The following AXDND1 variants were observed in gnomAD, a reference collection of about 807,000 sequenced individuals.
AXDND1 encodes axonemal dynein light chain domain-containing protein 1.
Under a neutral mutation model 137.5 loss-of-function variants are expected in AXDND1, and 110 were observed. The ratio of observed to expected loss-of-function variants is 0.80; its 90% confidence interval spans 0.69 to 0.94. The LOEUF is 0.94. AXDND1 is among the 40% of genes least tolerant of loss of function. AXDND1 has a pLI of 0.00. For synonymous variants in AXDND1, 414 were observed against 399.7 expected (o/e 1.04, Z -0.43); for missense variants, 1,191 against 1,169.8 (o/e 1.02, Z -0.26).
intron 25 of AXDND1, 71 bp from the exon 26 acceptor site, chr1:179,554,441 A>G: frequency 3.1e-6 from 5 of 1,613,432 alleles, no homozygotes; most frequent in Non-Finnish European, 4.2e-6. Flanking sequence ...ATTTTCCTTT[A>G]TCATACAGTT....
intron 25 of AXDND1, among the ~76,000 whole-genome samples, chr1:179,550,088 T>C (rs1673057498): frequency 6.6e-6 from 1 of 152,222 alleles, no homozygotes; most frequent in South Asian, 2.1e-4. Context: ...TCGGCACCCC[T>C]GCATAGTTTA....
rs1267470939 is a variant in AXDND1 at position 179,382,745 on chromosome 1, C to G, written c.627C>G (p.Leu209=). The G allele has an allele frequency of 4.4e-6, 7 of 1,595,000 alleles. No individual in the cohort carries two copies. The highest frequency in any genetic ancestry group is 1.7e-4 in the Middle Eastern group (1 of 6,006). The stretch of plus-strand genomic sequence containing the variant: ...CAGATAGTGAAAACAGGCTATTGCT[C>G]TTCCCATCCATGTAAGTACAGTTTA... The part of the protein sequence containing the change: ...LLTDSENRLL[L]FPSMKPNKRV... Residue 209 remains leucine (L), a synonymous_variant, in exon 7 of 26, where the codon CTC becomes CTG. Transcript: ENST00000367618.
At chr1:179,478,056 C>A (rs1664850945) in intron 17 of AXDND1, among the ~76,000 whole-genome samples, 1 of 152,194 alleles carries the variant, frequency 6.6e-6, no homozygotes, top group South Asian at 2.1e-4. Flanking sequence ...GAGGTGGGTT[C>A]TCATGGTCTT....
At chr1:179,376,432 A>G (rs1248642719) in intron 4 of AXDND1, among the ~76,000 whole-genome samples, 2 of 152,198 alleles carry the variant, frequency 1.3e-5, no homozygotes, top group Middle Eastern at 3.2e-3. Flanking sequence ...GAAAAAATTC[A>G]TGTATAAGCA....
At chr1:179,382,157 C>T (rs6665787) in intron 6 of AXDND1, among the ~76,000 whole-genome samples, 52,998 of 151,348 alleles carry the variant, frequency 0.35, 9,510 homozygotes, top group Middle Eastern at 0.45. Context: ...CTGCTCACTG[C>T]AACCCCCGCC....
intron 17 of AXDND1, 151 bp from the exon 18 acceptor site, chr1:179,482,976 AG>A: frequency 2.0e-6 from 1 of 491,930 alleles, no homozygotes; most frequent in Admixed American, 4.0e-5. Flanking sequence ...TAGATAATTC[AG>A]GGCTTTGATT....
At chr1:179,506,834 G>C (rs1668587699) in intron 20 of AXDND1, 1 of 985,256 alleles carries the variant, frequency 1.0e-6, no homozygotes, top group Non-Finnish European at 1.2e-6. Flanking sequence ...TGTCACCAGA[G>C]ATAGCACTGC....
intron 2 of AXDND1, among the ~76,000 whole-genome samples, chr1:179,367,449 A>G (rs1456288958): frequency 1.3e-5 from 2 of 152,172 alleles, no homozygotes; most frequent in Non-Finnish European, 2.9e-5. Context: ...CGGGAGGTGG[A>G]GGTTGCAGTG....
chr1:179,543,556 G>A (rs1312516955), intron 25 of AXDND1: 1 of 152,180 alleles, frequency 6.6e-6, no homozygotes, highest in African/African-American at 2.4e-5. Flanking sequence ...TGGAAAGAAA[G>A]GGTTGGGGAG....
At chr1:179,381,561 C>T (rs1156320476) in intron 6 of AXDND1, among the ~76,000 whole-genome samples, 18 of 151,722 alleles carry the variant, frequency 1.2e-4, no homozygotes, top group Non-Finnish European at 1.5e-5. Context: ...CCAGGCTGGT[C>T]TCGAACTCCG....
At chr1:179,453,086 A>G (rs1035665604) in intron 16 of AXDND1, 2 of 152,228 alleles carry the variant, frequency 1.3e-5, no homozygotes, top group African/African-American at 4.8e-5. Context: ...TACAGAAGTC[A>G]AGAACTGGGG....
chr1:179,533,790 G>T lies in AXDND1; in HGVS notation c.2716-5G>T, dbSNP rs148733582. The T allele has an allele frequency of 6.2e-7, 1 of 1,604,400 alleles. No individual in the cohort carries two copies. Among genetic ancestry groups the T allele is most frequent in the African/African-American group, 1.3e-5 (1 of 74,636 alleles). The stretch of plus-strand genomic sequence containing the variant: ...TTCATTCATATCTCATATTTCCTCT[G>T]TCAGAGAGAGTCAGCTAAGCAAGGT... On this transcript the variant is annotated splice_region_variant and splice_polypyrimidine_tract_variant and intron_variant, in intron 23 of 25. Transcript: ENST00000367618.
intron 14 of AXDND1, 70 bp from the exon 15 acceptor site, chr1:179,432,197 G>A: frequency 6.9e-7 from 1 of 1,455,308 alleles, no homozygotes; most frequent in Non-Finnish European, 9.1e-7. Context: ...TTAGTCTTTA[G>A]TGTGTGAACT....
At chr1:179,395,640 ATATAAGTAAAG>A (rs1171096602) in intron 11 of AXDND1, among the ~76,000 whole-genome samples, 3 of 152,212 alleles carry the variant, frequency 2.0e-5, no homozygotes, top group Non-Finnish European at 2.9e-5. Flanking sequence ...AAAGGAAGTA[ATATAAGTAAAG>A]CACTTAGAAT....
chr1:179,429,402 A>G, intron 12 of AXDND1, 116 bp from the exon 13 acceptor site: 1 of 503,304 alleles, frequency 2.0e-6, no homozygotes, highest in Non-Finnish European at 3.3e-6. Context: ...GATTTAAACG[A>G]GAAATTTTAG....
intron 23 of AXDND1, among the ~76,000 whole-genome samples, chr1:179,531,376 T>G (rs1036060863): frequency 6.6e-6 from 1 of 152,176 alleles, no homozygotes; most frequent in Non-Finnish European, 1.5e-5. Context: ...TGGTGGCCTT[T>G]CATTAGTTTT....
intron 15 of AXDND1, among the ~76,000 whole-genome samples, chr1:179,432,677 C>G (rs1261375464): frequency 6.6e-6 from 1 of 152,174 alleles, no homozygotes; most frequent in Non-Finnish European, 1.5e-5. Flanking sequence ...CCACCCACCT[C>G]GGCCTCCCAA....
At chr1:179,535,460 G>T (rs1358583409) in intron 25 of AXDND1, among the ~76,000 whole-genome samples, 1 of 151,682 alleles carries the variant, frequency 6.6e-6, no homozygotes, top group Non-Finnish European at 1.5e-5. Context: ...ACTTATGAGT[G>T]AGAACATGCG....
At chr1:179,411,065 A>C (rs2125221228) in intron 11 of AXDND1, 81 bp from the exon 12 acceptor site, 2 of 1,166,816 alleles carry the variant, frequency 1.7e-6, no homozygotes, top group Middle Eastern at 3.0e-4. Context: ...CTATTTTAAA[A>C]CAAATTTCTT....
Sources: allele counts gnomAD v4.1 joint callset (sites outside exome capture counted in the v4.1 genomes callset), GRCh38; gene constraint gnomAD v4.1.1; transcripts MANE v1.5; gene names NCBI Gene and HGNC (gene_info 2026-07-23, HGNC 2026-07-21).